IFT74: variants seen among roughly 807,000 people sequenced by gnomAD.
IFT74 encodes the protein intraflagellar transport 74, also known as intraflagellar transport protein 74 homolog.
In IFT74, 92 loss-of-function variants were observed where a neutral mutation model predicts 96.7. The observed-to-expected ratio is 0.95, with a 90% CI of 0.80 to 1.13. IFT74 has a LOEUF of 1.13. Ranked by LOEUF, IFT74 falls within the 50% of genes most tolerant of loss-of-function variation. IFT74 has a pLI of 0.00. For synonymous variants in IFT74, 223 were observed against 213.2 expected (o/e 1.05, Z -0.40); for missense variants, 811 against 698.2 (o/e 1.16, Z -1.82).
rs200556379 is a variant in IFT74 at position 26,962,073 on chromosome 9, C to G, written c.106C>G (p.Arg36Gly). The change falls in exon 2 of 20, where the codon CGA becomes GGA. Residue 36 changes from arginine (R) to glycine (G), a missense_variant. Arg to Gly is a moderately radical substitution (Grantham distance 125, BLOSUM62 -2). Transcript: ENST00000380062. ...GATACGACCCCTATCAGGAAATATT[C>G]GAGTGGCAACTGCAGTAAGTTTGAA... ...SGIRPLSGNI[R>G]VATAMPPGTA... 6.2e-7 allele frequency: 1 copy of G among 1,614,066 alleles called. No individual in the cohort carries two copies. The highest frequency in any genetic ancestry group is 8.5e-7 in the Non-Finnish European group (1 of 1,179,974).
In IFT74 at chr9:27,038,470, C is replaced by G. The variant is rs115904467; in HGVS notation, c.1055-6272C>G. 6.2e-3 allele frequency among the ~76,000 whole-genome samples: 939 copies of G among 152,288 alleles called. 12 individuals are homozygous for G. Among genetic ancestry groups the G allele is most frequent in the African/African-American group, 0.021 (887 of 41,554 alleles). On this transcript the variant is annotated intron_variant, in intron 13 of 19. Coordinates refer to ENST00000380062, the MANE Select transcript of IFT74 (RefSeq NM_025103.4). ...TAGAGATGGGTTTCACCATATTGCCCAGGCTGCTCTCTTGGCCAGGCTGGT... is the reference window on the plus strand; with the variant it reads ...TAGAGATGGGTTTCACCATATTGCCGAGGCTGCTCTCTTGGCCAGGCTGGT...
chr9:26,983,390 G>C (rs752318307), intron 4 of IFT74, among the ~76,000 whole-genome samples: 19 of 152,174 alleles, frequency 1.2e-4, no homozygotes, highest in Non-Finnish European at 2.8e-4. Context: ...CTAGAGCAGT[G>C]GTTCTCAACT....
intron 2 of IFT74, among the ~76,000 whole-genome samples, chr9:26,962,687 AC>A (rs1449158781): frequency 2.6e-5 from 4 of 152,218 alleles, no homozygotes; most frequent in Non-Finnish European, 5.9e-5. Flanking sequence ...CAAAAATGAA[AC>A]CATAAATGTA....
intron 16 of IFT74, among the ~76,000 whole-genome samples, chr9:27,050,955 C>G (rs534986370): frequency 3.9e-5 from 6 of 152,132 alleles, no homozygotes; most frequent in African/African-American, 1.4e-4. Context: ...TTCCCAAAAT[C>G]TAAAAAGATA....
chr9:26,957,060 C>T (rs1826140694), intron 1 of IFT74, among the ~76,000 whole-genome samples: 1 of 152,180 alleles, frequency 6.6e-6, no homozygotes, highest in Non-Finnish European at 1.5e-5. Context: ...ATTATGCAGC[C>T]GCTAACTTTG....
In IFT74 at chr9:27,055,683, C is replaced by G. The variant is rs1271752655; in HGVS notation, c.1408C>G (p.Leu470Val). Residue 470 changes from leucine to valine, a missense_variant, in exon 17 of 20, where the codon CTA (leucine) becomes GTA (valine). By Grantham distance (32) the Leu-to-Val change is conservative (BLOSUM62 1). Coordinates refer to ENST00000380062, the MANE Select transcript of IFT74 (RefSeq NM_025103.4). ...ESKMTEEQHSLKSKIKQMTTD... is the reference protein window; with the variant it reads ...ESKMTEEQHSVKSKIKQMTTD... ...TAAGATGACTGAAGAACAGCATTCTCTAAAAAGCAAAATTAAGCAAATGAC... is the reference window on the plus strand; with the variant it reads ...TAAGATGACTGAAGAACAGCATTCTGTAAAAAGCAAAATTAAGCAAATGAC... 1.9e-5 allele frequency: 31 copies of G among 1,592,730 alleles called. No individual in the cohort carries two copies. The highest frequency in any genetic ancestry group is 2.6e-5 in the Non-Finnish European group (30 of 1,172,050).
At chr9:27,046,210 A>G (rs1319139585) in intron 14 of IFT74, among the ~76,000 whole-genome samples, 2 of 152,250 alleles carry the variant, frequency 1.3e-5, no homozygotes, top group African/African-American at 4.8e-5. Flanking sequence ...ATATTCACAC[A>G]TAAGACCTGT....
At chr9:26,978,710 A>G (rs74872861) in intron 3 of IFT74, among the ~76,000 whole-genome samples, 2,932 of 152,288 alleles carry the variant, frequency 0.019, 45 homozygotes, top group Middle Eastern at 0.034. Flanking sequence ...TTAAAATGAC[A>G]CTTAAAATAC....
chr9:26,977,371 A>T (rs1049246982), intron 2 of IFT74, among the ~76,000 whole-genome samples: 5 of 152,232 alleles, frequency 3.3e-5, no homozygotes, highest in African/African-American at 4.8e-5. Flanking sequence ...GCTGAGGCAG[A>T]AGGATCTCTT....
rs767129958 is a variant in IFT74, at chr9:26,988,693, A to G, written c.490A>G (p.Thr164Ala). 1.0e-5 allele frequency: 16 copies of G among 1,546,728 alleles called. No homozygotes were observed. The South Asian group carries it at 1.8e-4, about 18-fold the overall frequency. Residue 164 changes from threonine (T) to alanine (A), a missense_variant, in exon 7 of 20, where the codon ACT becomes GCT. Thr to Ala is a moderately conservative substitution (Grantham distance 58, BLOSUM62 0). Transcript: ENST00000380062. ...NMLVDKLNTN[T>A]EMEEVMNDYN... is the part of the protein sequence containing the mutation. ...GTTGGTAGATAAACTTAATACCAAC[A>G]CTGAAATGGAAGAAGTAATGAATGA... is the stretch of plus-strand genomic sequence containing the variant.
intron 9 of IFT74, among the ~76,000 whole-genome samples, chr9:27,009,888 C>T (rs1302043917): frequency 1.3e-5 from 2 of 151,578 alleles, no homozygotes; most frequent in Admixed American, 6.6e-5. Context: ...TTTCCATGCA[C>T]GTATGCAATG....
At chr9:26,997,596 A>C (rs1358766336) in intron 8 of IFT74, 1 of 931,002 alleles carries the variant, frequency 1.1e-6, no homozygotes, top group African/African-American at 1.7e-5. Context: ...GGCCTCCCAT[A>C]GTGATGGGAT....
At chr9:27,008,601 C>G (rs892243019) in intron 8 of IFT74, among the ~76,000 whole-genome samples, 3 of 152,026 alleles carry the variant, frequency 2.0e-5, no homozygotes, top group African/African-American at 7.2e-5. Flanking sequence ...CTCAGGTGAT[C>G]CACCTGCCTC....
intron 1 of IFT74, among the ~76,000 whole-genome samples, chr9:26,949,798 T>C (rs1825875111): frequency 1.3e-5 from 2 of 152,152 alleles, no homozygotes; most frequent in South Asian, 4.1e-4. Flanking sequence ...ATCACAGGTG[T>C]GTCAGAACTA....
intron 9 of IFT74, 70 bp from the exon 10 acceptor site, chr9:27,011,836 C>A: frequency 1.0e-6 from 1 of 955,116 alleles, no homozygotes; most frequent in South Asian, 2.3e-5. Flanking sequence ...TTCCCAGCTC[C>A]CTCCCCCCAC....
chr9:27,006,593 A>G (rs563196460), intron 8 of IFT74, among the ~76,000 whole-genome samples: 118 of 149,970 alleles, frequency 7.9e-4, no homozygotes, highest in African/African-American at 2.5e-3. Flanking sequence ...GGTACCTGTC[A>G]AGAAAGAAAG....
chr9:26,976,707 A>G (rs1182886499), intron 2 of IFT74: 1 of 451,586 alleles, frequency 2.2e-6, no homozygotes, highest in Non-Finnish European at 4.4e-6. Flanking sequence ...ACCTGGAATT[A>G]GAGAATAAGT....
intron 1 of IFT74, among the ~76,000 whole-genome samples, chr9:26,951,108 A>G (rs892034017): frequency 6.6e-6 from 1 of 152,268 alleles, no homozygotes; most frequent in African/African-American, 2.4e-5. Flanking sequence ...AAATGCATGG[A>G]ATAGTTGGGT....
intron 11 of IFT74, among the ~76,000 whole-genome samples, chr9:27,017,419 A>G (rs1021670861): frequency 2.6e-5 from 4 of 151,942 alleles, no homozygotes; most frequent in African/African-American, 7.3e-5. Flanking sequence ...ATAGGGTTTT[A>G]CTGTGTTGCC....
Sources: allele counts gnomAD v4.1 joint callset (sites outside exome capture counted in the v4.1 genomes callset), GRCh38; gene constraint gnomAD v4.1.1; transcripts MANE v1.5; gene names NCBI Gene and HGNC (gene_info 2026-07-23, HGNC 2026-07-21).